CAST: variants seen among roughly 807,000 people sequenced by gnomAD.
CAST encodes the protein calpastatin.
A neutral mutation model predicts 119.6 loss-of-function variants in CAST; 76 were observed. The observed-to-expected ratio is 0.64, with a 90% CI of 0.53 to 0.77. The LOEUF (loss-of-function observed/expected upper bound fraction) is 0.77. Among genes scored for constraint, CAST ranks in the 30% least tolerant of loss-of-function variants. The pLI, the probability that CAST is intolerant of heterozygous loss-of-function variation, is 0.00. For synonymous variants in CAST, 319 were observed against 331.6 expected (o/e 0.96, Z 0.41); for missense variants, 953 against 946.5 (o/e 1.01, Z -0.09).
upstream of CAST, chr5:96,525,487 G>T (rs1745583266): frequency 6.6e-6 from 1 of 152,182 alleles, no homozygotes; most frequent in African/African-American, 2.4e-5. Flanking sequence ...CCATCCTTCA[G>T]CTGAGTCATA....
the CAST span, among the ~76,000 whole-genome samples, chr5:96,171,172 C>T: frequency 2.0e-5 from 3 of 152,236 alleles, no homozygotes; most frequent in African/African-American, 7.2e-5. Context: ...GCCTATTTTA[C>T]GACAAGAATT....
chr5:96,663,602 T>A (rs935417734), intron 1 of CAST, among the ~76,000 whole-genome samples: 2 of 152,142 alleles, frequency 1.3e-5, no homozygotes, highest in East Asian at 3.9e-4. Flanking sequence ...TGGACGTACA[T>A]TCGCCGACGC....
chr5:96,398,797 T>C, the CAST span: 1 of 1,139,890 alleles, frequency 8.8e-7, no homozygotes. Flanking sequence ...CTTTGTTCTA[T>C]GAATAAACAA....
chr5:96,535,666 T>C (rs112530420), intron 1 of CAST, among the ~76,000 whole-genome samples: 16,561 of 144,380 alleles, frequency 0.11, 1,178 homozygotes, highest in Non-Finnish European at 0.17. Context: ...CTCCGCCTCC[T>C]GGGTTAACGC....
the CAST span, among the ~76,000 whole-genome samples, chr5:96,223,749 A>G: frequency 0.044 from 6,708 of 152,202 alleles, 514 homozygotes; most frequent in African/African-American, 0.15. Flanking sequence ...CTTCTTCTCC[A>G]TCTGTCCTTG....
chr5:96,756,227 A>G (rs777213325), intron 22 of CAST, among the ~76,000 whole-genome samples: 10 of 152,162 alleles, frequency 6.6e-5, no homozygotes, highest in Non-Finnish European at 1.2e-4. Context: ...CAGACGCAGA[A>G]TGACGCAGTG....
At chr5:96,482,653 C>T in the CAST span, among the ~76,000 whole-genome samples, 1 of 152,034 alleles carries the variant, frequency 6.6e-6, no homozygotes, top group African/African-American at 2.4e-5. Context: ...CAACTCTGAT[C>T]TGGTGATTGT....
At chr5:96,451,063 T>C in the CAST span, among the ~76,000 whole-genome samples, 7 of 152,314 alleles carry the variant, frequency 4.6e-5, no homozygotes, top group Middle Eastern at 3.4e-3. Context: ...TATGCCCTCC[T>C]AGATTCCTCC....
intron 1 of CAST, among the ~76,000 whole-genome samples, chr5:96,561,525 G>T (rs1746360705): frequency 6.6e-6 from 1 of 150,922 alleles, no homozygotes; most frequent in African/African-American, 2.4e-5. Flanking sequence ...AGAACACATG[G>T]ACAAAGGAAG....
At chr5:96,167,940 C>CA in the CAST span, among the ~76,000 whole-genome samples, 893 of 152,250 alleles carry the variant, frequency 5.9e-3, 19 homozygotes, top group South Asian at 0.052. Flanking sequence ...GCAGATGGAA[C>CA]ACTGAGAAGT....
At position 96,774,047 on chromosome 5, in the gene CAST, AAT is replaced by A. The variant is rs1394733868; in HGVS notation, c.*1433_*1434del. 6.6e-6 allele frequency: 1 copy of A among 152,416 alleles called. No individual in the cohort carries two copies. The highest frequency in any genetic ancestry group is 1.5e-5 in the Non-Finnish European group (1 of 68,042). 9.4% of individuals were successfully genotyped at this position (152,416 alleles called of 1,614,324 possible). ...AAATGCTATGTCTCTATCCATCAGA[AAT>A]AGTCATTATTCTATTTTTAAGGCAG... On this transcript the variant is annotated 3_prime_UTR_variant, in exon 32 of 32. Transcript: ENST00000675179.
Position 96,762,281 on chromosome 5 carries a change from A to G in CAST, c.1841A>G (p.Glu614Gly). 1.2e-6 allele frequency: 2 copies of G among 1,601,754 alleles called. No homozygotes were observed. Among genetic ancestry groups the G allele is most frequent in the Non-Finnish European group, 1.7e-6 (2 of 1,176,440 alleles). ...AATTTTTTTCAATAAAAGAAATTTG[A>G]AGATGCTAAACTTGCTGCTGCCATC... ...GPQNASSLKF[E>G]DAKLAAAISE... Residue 614 changes from glutamate to glycine, a missense_variant, in exon 25 of 32, where the codon GAA (glutamate) becomes GGA (glycine). Glu to Gly is a moderately conservative substitution (Grantham distance 98). Coordinates refer to ENST00000675179, the MANE Select transcript of CAST (RefSeq NM_001750.7).
the CAST span, among the ~76,000 whole-genome samples, chr5:96,066,640 T>C: frequency 6.6e-6 from 1 of 152,042 alleles, no homozygotes; most frequent in Non-Finnish European, 1.5e-5. Context: ...TCTGATCTTA[T>C]TTGTTTTTTT....
chr5:96,402,458 A>T, the CAST span, among the ~76,000 whole-genome samples: 2 of 152,230 alleles, frequency 1.3e-5, no homozygotes, highest in East Asian at 3.9e-4. Flanking sequence ...GAGGAGGGGA[A>T]ACATCTAGAC....
At chr5:96,427,272 A>G in the CAST span, among the ~76,000 whole-genome samples, 2 of 152,240 alleles carry the variant, frequency 1.3e-5, no homozygotes, top group African/African-American at 4.8e-5. Context: ...TAAACATCCA[A>G]TTGTAGAAAA....
At chr5:96,736,369 T>C (rs1761639635) in intron 10 of CAST, 129 bp downstream of exon 10, 1 of 564,812 alleles carries the variant, frequency 1.8e-6, no homozygotes, top group Non-Finnish European at 3.1e-6. Context: ...TGAATTATTG[T>C]TTCAAGCTAA....
chr5:96,653,197 C>G (rs997855922), intron 1 of CAST, among the ~76,000 whole-genome samples: 2 of 152,250 alleles, frequency 1.3e-5, no homozygotes, highest in African/African-American at 2.4e-5. Context: ...GTCTCTGTGT[C>G]TGAGTAGGCA....
the CAST span, among the ~76,000 whole-genome samples, chr5:96,459,741 T>G: frequency 6.6e-6 from 1 of 152,214 alleles, no homozygotes; most frequent in Non-Finnish European, 1.5e-5. Context: ...TACTTAATTC[T>G]GGACTGCTTA....
At chr5:96,539,016 A>T (rs955712118) in intron 1 of CAST, among the ~76,000 whole-genome samples, 1 of 152,250 alleles carries the variant, frequency 6.6e-6, no homozygotes, top group Non-Finnish European at 1.5e-5. Flanking sequence ...TTCATTATAA[A>T]GATCTTGCTA....
Sources: allele counts gnomAD v4.1 joint callset (sites outside exome capture counted in the v4.1 genomes callset), GRCh38; gene constraint gnomAD v4.1.1; transcripts MANE v1.5; gene names NCBI Gene and HGNC (gene_info 2026-07-23, HGNC 2026-07-21).